MCF2: variants seen among roughly 807,000 people sequenced by gnomAD.
MCF2 encodes proto-oncogene DBL.
In MCF2, 44 loss-of-function variants were observed where a neutral mutation model predicts 82.5. The ratio of observed to expected loss-of-function variants is 0.53; its 90% CI spans 0.42 to 0.69. MCF2 has a LOEUF of 0.69. Ranked by LOEUF, MCF2 falls within the 30% of genes least tolerant of loss-of-function variation. The pLI is 0.00. For synonymous variants in MCF2, 217 were observed against 224.9 expected (o/e 0.96, Z 0.32); for missense variants, 623 against 663.1 (o/e 0.94, Z 0.66).
chrX:139,697,754 AT>A (rs1354125516), intron 1 of MCF2, among the ~76,000 whole-genome samples: 1 of 112,159 alleles, frequency 8.9e-6, no homozygotes, highest in Non-Finnish European at 1.9e-5. Flanking sequence ...ATTTGTTGCC[AT>A]TTTAAAGGCC....
chrX:139,616,264 A>C lies in MCF2; in HGVS notation c.1191+18T>G, dbSNP rs1931881956. On this transcript the variant is annotated intron_variant, in intron 9 of 24. Coordinates refer to ENST00000370576, the Ensembl canonical transcript of MCF2. ...TAATTTTCTTTAAATATTTATTTGA[A>C]AATAAAAAAGCCTCTACCTTAAGCT... 1 of 984,837 alleles carries C rather than the reference A, an allele frequency of 1.0e-6. No homozygotes were observed. The highest frequency in any genetic ancestry group is 3.5e-5 in the South Asian group (1 of 28,598). The allele number at this position is 984,837 out of a possible 1,213,427, so 81.2% of individuals were successfully genotyped here.
chrX:139,708,074 C>A (rs778341214), intron 1 of MCF2, 32 bp downstream of exon 1: 1 of 111,806 alleles, frequency 8.9e-6, no homozygotes, highest in Non-Finnish European at 1.9e-5. Context: ...CAATCCATTT[C>A]TTATATTACT....
intron 19 of MCF2, among the ~76,000 whole-genome samples, chrX:139,590,214 T>C (rs983201130): frequency 1.8e-5 from 2 of 111,440 alleles, no homozygotes; most frequent in African/African-American, 6.5e-5. Flanking sequence ...AATTATGTTA[T>C]AAATTAATAG....
At chrX:139,663,015 T>A (rs1934398465) in intron 1 of MCF2, among the ~76,000 whole-genome samples, 1 of 112,400 alleles carries the variant, frequency 8.9e-6, no homozygotes, top group Non-Finnish European at 1.9e-5. Flanking sequence ...TGTGTATATA[T>A]GCCACATTTT....
rs139749108 is a variant in MCF2, at chrX:139,591,635, G to T, written c.2278-1708C>A. On this transcript the variant is annotated intron_variant, in intron 19 of 24. Transcript: ENST00000370576. ...CATATAAATAATTAGAAAGTACATG[G>T]TCAGGCCATGGGATCCCAGCTTTGT... is the stretch of plus-strand genomic sequence containing the variant. Among the ~76,000 whole-genome samples, 420 of 110,645 alleles carry T rather than the reference G, an allele frequency of 3.8e-3. 1 individual carries two copies. The highest frequency in any genetic ancestry group is 0.013 in the African/African-American group (389 of 30,494).
chrX:139,646,546 T>C (rs926875438), upstream of MCF2, among the ~76,000 whole-genome samples: 1 of 111,735 alleles, frequency 8.9e-6, no homozygotes, highest in African/African-American at 3.2e-5. Flanking sequence ...ATGTTCTTTT[T>C]GATGGGAACA....
intron 1 of MCF2, among the ~76,000 whole-genome samples, chrX:139,701,041 C>G (rs1935484054): frequency 8.9e-6 from 1 of 111,905 alleles, no homozygotes; most frequent in African/African-American, 3.3e-5. Context: ...ACAGCACCCA[C>G]ACATAGCACA....
chrX:139,632,483 G>A, intron 1 of MCF2, 29 bp from the exon 5 acceptor site: 1 of 1,166,144 alleles, frequency 8.6e-7, no homozygotes, highest in Non-Finnish European at 1.1e-6. Context: ...AAAGAAATTG[G>A]AAAAAAAATT....
intron 1 of MCF2, among the ~76,000 whole-genome samples, chrX:139,681,673 T>C (rs73243369): frequency 3.0e-3 from 333 of 112,194 alleles, no homozygotes; most frequent in Non-Finnish European, 4.6e-3. Context: ...TATCTAGATA[T>C]ATGTGGATTT....
chrX:139,704,283 C>T (rs1233558289), intron 1 of MCF2, among the ~76,000 whole-genome samples: 1 of 111,889 alleles, frequency 8.9e-6, no homozygotes, highest in Non-Finnish European at 1.9e-5. Context: ...AAAGCATCCA[C>T]GTATGAAAAG....
At chrX:139,658,561 T>C (rs1934260366) in intron 1 of MCF2, among the ~76,000 whole-genome samples, 1 of 110,688 alleles carries the variant, frequency 9.0e-6, no homozygotes, top group Admixed American at 9.6e-5. Flanking sequence ...TTGGTAACAG[T>C]TCAAGAAACT....
chrX:139,582,629 CTTTTA>C (rs1480298097), intron 24 of MCF2, 126 bp from the exon 29 acceptor site: 2 of 434,860 alleles, frequency 4.6e-6, no homozygotes, highest in African/African-American at 5.0e-5. Context: ...TTGTGTTGCT[CTTTTA>C]TATGTTTTCC....
In MCF2 at chrX:139,589,828, G is replaced by A; in HGVS notation, c.2370+7C>T. ...TGGGTTTCTAGAAGAATTTTCAAATGACCAACCTGGACAATATAAACTTCT... is the reference window on the plus strand; with the variant it reads ...TGGGTTTCTAGAAGAATTTTCAAATAACCAACCTGGACAATATAAACTTCT... On this transcript the variant is annotated splice_region_variant and intron_variant, in intron 20 of 24. Transcript: ENST00000370576. The A allele has an allele frequency of 8.6e-7, 1 of 1,165,752 alleles. No homozygotes were observed. Among genetic ancestry groups the A allele is most frequent in the Non-Finnish European group, 1.2e-6 (1 of 867,133 alleles).
At chrX:139,624,549 A>G (rs951160403) in intron 6 of MCF2, among the ~76,000 whole-genome samples, 4 of 108,994 alleles carry the variant, frequency 3.7e-5, no homozygotes, top group African/African-American at 1.3e-4. Context: ...AAAAAAAAGG[A>G]CTATATTCTT....
At chrX:139,607,851 A>C in intron 11 of MCF2, 72 bp from the exon 16 acceptor site, 2 of 668,959 alleles carry the variant, frequency 3.0e-6, no homozygotes, top group Non-Finnish European at 4.7e-6. Context: ...GATCCAGCTC[A>C]AATTAAGTTT....
upstream of MCF2, chrX:139,646,837 G>A: frequency 8.4e-7 from 1 of 1,188,645 alleles, no homozygotes; most frequent in Non-Finnish European, 1.1e-6. Flanking sequence ...TACTTCCTCT[G>A]GTATACATCT....
chrX:139,627,274 T>C (rs1205873100), intron 4 of MCF2, among the ~76,000 whole-genome samples: 1 of 111,799 alleles, frequency 8.9e-6, no homozygotes, highest in African/African-American at 3.3e-5. Flanking sequence ...AAAGCAGTAG[T>C]AGCACAATAA....
At chrX:139,620,027 G>GTATA (rs1556030374) in intron 6 of MCF2, among the ~76,000 whole-genome samples, 4 of 100,386 alleles carry the variant, frequency 4.0e-5, no homozygotes, top group Admixed American at 2.2e-4. Context: ...GTGTGTGTGT[G>GTATA]TATATATATA....
chrX:139,607,556 TA>T (rs1436221644), intron 12 of MCF2, 134 bp downstream of exon 16: 7 of 372,025 alleles, frequency 1.9e-5, no homozygotes, highest in Non-Finnish European at 1.8e-5. Context: ...TGGCCAGGCC[TA>T]AATCCTGGAC....
Sources: allele counts gnomAD v4.1 joint callset (sites outside exome capture counted in the v4.1 genomes callset), GRCh38; gene constraint gnomAD v4.1.1; transcripts MANE v1.5; gene names NCBI Gene and HGNC (gene_info 2026-07-23, HGNC 2026-07-21).